The following ANKRD36 variants were observed in gnomAD, a reference collection of about 807,000 sequenced individuals.
ANKRD36 encodes ankyrin repeat domain-containing protein 36A.
In ANKRD36, 179 loss-of-function variants were observed where a neutral mutation model predicts 278.1. That is an observed-to-expected ratio of 0.64 (90% CI 0.57 to 0.73). ANKRD36 has a LOEUF of 0.73. ANKRD36 is among the 30% of genes least tolerant of loss of function. The probability of loss-of-function intolerance (pLI) is 0.00; values close to 1 mark genes in which losing one functional copy is unlikely to be tolerated. For missense variants in ANKRD36, 1,159 were observed against 1,956.7 expected (o/e 0.59, Z 7.69); for synonymous variants, 320 against 641.1 (o/e 0.50, Z 7.57).
At chr2:97,156,191 A>G (rs1244686032) in intron 15 of ANKRD36, among the ~76,000 whole-genome samples, 1 of 146,570 alleles carries the variant, frequency 6.8e-6, no homozygotes, top group Non-Finnish European at 1.5e-5. Context: ...GTTCTATTAA[A>G]TACATATTTT....
At position 97,152,386 on chromosome 2, in the gene ANKRD36, G is replaced by A; in HGVS notation, c.1163-118G>A. 8.9e-6 allele frequency: 7 copies of A among 790,242 alleles called. 1 individual carries two copies. Among genetic ancestry groups the A allele is most frequent in the Non-Finnish European group, 1.2e-5 (6 of 514,430 alleles). 49.0% of individuals were successfully genotyped at this position (790,242 alleles called of 1,614,324 possible). A position where few individuals can be genotyped will look rare whatever the true frequency, so the allele number is the denominator to read the frequency against. On this transcript the variant is annotated intron_variant, in intron 13 of 75. Transcript: ENST00000420699. ...CCTTGGCTTCTCAAGTGATACTTCT[G>A]CCTCAGCCTTCTGAGTAGCTGGGAT...
chr2:97,177,791 C>G (rs200978940), intron 22 of ANKRD36, among the ~76,000 whole-genome samples: 1 of 151,800 alleles, frequency 6.6e-6, no homozygotes, highest in African/African-American at 2.4e-5. Flanking sequence ...TCTAAAACAC[C>G]AAAAGCAATG....
chr2:97,171,086 CTT>C (rs1167670316), intron 22 of ANKRD36, among the ~76,000 whole-genome samples: 2 of 144,332 alleles, frequency 1.4e-5, no homozygotes, highest in African/African-American at 5.1e-5. Flanking sequence ...AATAGGAACA[CTT>C]TTACACTGTT....
At chr2:97,206,169 G>A (rs114192053) in intron 52 of ANKRD36, 34 bp downstream of exon 52, 127,955 of 1,503,278 alleles carry the variant, frequency 0.085, 6,614 homozygotes, top group Middle Eastern at 0.15. Flanking sequence ...GCCATGTTCA[G>A]TCGAGATAGA....
At position 97,118,427 on chromosome 2, in the gene ANKRD36, G is replaced by T; in HGVS notation, c.396G>T (p.Arg132Ser). The change falls in exon 3 of 76, where the codon AGG becomes AGT. Residue 132 changes from arginine to serine, a missense_variant. Physicochemically the swap from Arg to Ser is moderately radical, Grantham distance 110. Transcript: ENST00000420699. ...ANPNITDFFG[R>S]TALHYAVYNE... ...CAAATATTACGGATTTCTTTGGAAG[G>T]ACTGCTCTGCACTACGCTGTGTATA... 1 of 1,607,256 alleles carries T rather than the reference G, an allele frequency of 6.2e-7. No individual in the cohort carries two copies. Among genetic ancestry groups the T allele is most frequent in the South Asian group, 1.1e-5 (1 of 89,386 alleles).
intron 36 of ANKRD36, 40 bp from the exon 37 acceptor site, chr2:97,192,818 A>C (rs746369818): frequency 1.3e-6 from 2 of 1,584,108 alleles, no homozygotes; most frequent in Non-Finnish European, 1.7e-6. Context: ...ACTTTGTCAT[A>C]GTTACATATG....
intron 69 of ANKRD36, among the ~76,000 whole-genome samples, chr2:97,242,135 CA>C (rs1356139705): frequency 2.0e-5 from 3 of 150,012 alleles, no homozygotes; most frequent in Non-Finnish European, 3.0e-5. Flanking sequence ...ACTAAAAATA[CA>C]AAAAATTAGC....
intron 22 of ANKRD36, among the ~76,000 whole-genome samples, chr2:97,177,257 G>T (rs1401593699): frequency 1.3e-5 from 2 of 151,818 alleles, no homozygotes; most frequent in Non-Finnish European, 2.9e-5. Flanking sequence ...ACTGCCCAAG[G>T]TAATTTACAG....
At chr2:97,143,055 G>A (rs1429677903) in intron 8 of ANKRD36, among the ~76,000 whole-genome samples, 1 of 151,906 alleles carries the variant, frequency 6.6e-6, no homozygotes, top group African/African-American at 2.4e-5. Flanking sequence ...AAATTGGCAA[G>A]AATGATTGGA....
chr2:97,183,732 G>C lies in ANKRD36; in HGVS notation c.1939+78G>C, dbSNP rs1575475554. On this transcript the variant is annotated intron_variant, in intron 28 of 75. Transcript: ENST00000420699. ...GTCCCACCCCTGAATAGATCAGTGG[G>C]GTGTCATTGAAAATGCACTTTCTGA... 3.4e-6 allele frequency: 5 copies of C among 1,461,566 alleles called. No homozygotes were observed. The East Asian group carries it at 9.9e-5, about 29-fold the overall frequency. 90.5% of individuals were successfully genotyped at this position (1,461,566 alleles called of 1,614,324 possible).
chr2:97,209,914 A>T (rs1421483412), intron 56 of ANKRD36, 42 bp downstream of exon 56: 1 of 1,543,166 alleles, frequency 6.5e-7, no homozygotes, highest in African/African-American at 1.4e-5. Context: ...CAGTCCAGAT[A>T]GGTAAGAAAT....
At chr2:97,211,487 G>A in intron 56 of ANKRD36, 59 bp from the exon 57 acceptor site, 10 of 1,583,922 alleles carry the variant, frequency 6.3e-6, no homozygotes, top group South Asian at 3.4e-5. Flanking sequence ...CTGTATGAAT[G>A]TATGGATAAC....
chr2:97,172,830 AAT>A (rs2053005502), intron 22 of ANKRD36, among the ~76,000 whole-genome samples: 2 of 99,370 alleles, frequency 2.0e-5, no homozygotes, highest in African/African-American at 3.4e-5. Context: ...TTTGTGTGTG[AAT>A]GTGTGTGTGT....
chr2:97,187,493 G>GA, intron 32 of ANKRD36, 92 bp downstream of exon 32: 2 of 290,676 alleles, frequency 6.9e-6, no homozygotes, highest in Non-Finnish European at 1.4e-5. Flanking sequence ...CGGGTGGGGG[G>GA]GCTCGCCGAA....
chr2:97,196,569 T>G (rs1244161398), intron 40 of ANKRD36, 24 bp from the exon 41 acceptor site: 4 of 1,604,394 alleles, frequency 2.5e-6, no homozygotes, highest in African/African-American at 2.7e-5. Flanking sequence ...GTATGACTGA[T>G]TATGAATCCC....
chr2:97,172,924 G>A (rs976125502), intron 22 of ANKRD36, among the ~76,000 whole-genome samples: 4 of 151,718 alleles, frequency 2.6e-5, no homozygotes, highest in East Asian at 1.9e-4. Flanking sequence ...AAATGAAAAT[G>A]TTTCTGTTCC....
chr2:97,131,820 T>C (rs2040227211), intron 6 of ANKRD36, among the ~76,000 whole-genome samples: 1 of 152,028 alleles, frequency 6.6e-6, no homozygotes, highest in East Asian at 1.9e-4. Flanking sequence ...ATTTTATGTA[T>C]GTTTTTATTA....
intron 15 of ANKRD36, 97 bp from the exon 16 acceptor site, chr2:97,158,010 A>G (rs2047901527): frequency 9.4e-7 from 1 of 1,064,734 alleles, no homozygotes; most frequent in South Asian, 1.4e-5. Context: ...AGTGACTTCA[A>G]AGTCCATCCT....
chr2:97,170,887 G>C (rs376202560), intron 22 of ANKRD36, among the ~76,000 whole-genome samples: 1 of 148,044 alleles, frequency 6.8e-6, no homozygotes, highest in Non-Finnish European at 1.5e-5. Context: ...AAAAGTGGGC[G>C]AAGGACATGA....
Sources: gnomAD v4.1 joint callset for allele counts (sites outside exome capture counted in the v4.1 genomes callset) on GRCh38, gnomAD v4.1.1 for gene constraint, MANE v1.5 for transcripts, NCBI Gene and HGNC (gene_info 2026-07-23, HGNC 2026-07-21) for gene names.